The following SCFD2 variants were observed in gnomAD, a reference collection of about 807,000 sequenced individuals.
The protein encoded by SCFD2 is sec1 family domain containing 2.
Under a neutral mutation model 58.9 loss-of-function variants are expected in SCFD2, and 54 were observed. The ratio of observed to expected loss-of-function variants is 0.92; its 90% CI spans 0.74 to 1.15. The LOEUF is 1.15. SCFD2 is among the 50% of genes most tolerant of loss of function. The probability of loss-of-function intolerance (pLI) is 0.00; values close to 1 mark genes in which losing one functional copy is unlikely to be tolerated. For missense variants in SCFD2, 805 were observed against 836.6 expected, an observed-to-expected ratio of 0.96 and a Z score of 0.47; for synonymous variants, 321 against 335.9, an observed-to-expected ratio of 0.96 and a Z score of 0.49.
intron 7 of SCFD2, among the ~76,000 whole-genome samples, chr4:52,896,156 C>G (rs1278653817): frequency 6.6e-6 from 1 of 152,130 alleles, no homozygotes; most frequent in Admixed American, 6.5e-5. Flanking sequence ...TGCAGAAGCT[C>G]TTTAGTTTAA....
At chr4:53,229,140 A>T (rs1049026511) in intron 4 of SCFD2, among the ~76,000 whole-genome samples, 9 of 152,212 alleles carry the variant, frequency 5.9e-5, no homozygotes, top group South Asian at 2.1e-4. Context: ...CAAATGGAAG[A>T]ACATCCCATG....
intron 5 of SCFD2, among the ~76,000 whole-genome samples, chr4:52,990,756 T>C (rs1445724642): frequency 6.6e-6 from 1 of 150,752 alleles, no homozygotes; most frequent in South Asian, 2.1e-4. Flanking sequence ...AGTTTTAGAA[T>C]AAAGAAAAAA....
chr4:53,047,313 T>G lies in SCFD2; in HGVS notation c.1561+98020A>C, dbSNP rs150783310. 1.1e-4 allele frequency among the ~76,000 whole-genome samples: 16 copies of G among 152,190 alleles called. No homozygotes were observed. The East Asian group carries it at 3.1e-3, about 29-fold the overall frequency. Reference sequence around the variant, plus strand: ...AAATTAAAAAATTAGGCAGGCTTAGTGGCATGTGCCGTAGTCCCCAGCTAC... The same window carrying G: ...AAATTAAAAAATTAGGCAGGCTTAGGGGCATGTGCCGTAGTCCCCAGCTAC... On this transcript the variant is annotated intron_variant, in intron 5 of 8. Coordinates refer to ENST00000401642, the MANE Select transcript of SCFD2 (RefSeq NM_152540.4).
chr4:53,316,978 G>A (rs1420927719), intron 2 of SCFD2, among the ~76,000 whole-genome samples: 1 of 151,796 alleles, frequency 6.6e-6, no homozygotes, highest in Non-Finnish European at 1.5e-5. Context: ...GTGGTGGTGT[G>A]CGCCTATAAT....
chr4:53,331,582 G>A (rs1733471711), intron 2 of SCFD2, among the ~76,000 whole-genome samples: 1 of 152,130 alleles, frequency 6.6e-6, no homozygotes. Context: ...GAATCTCTGG[G>A]ACACATTCAA....
chr4:52,875,096 A>G (rs546256449), intron 8 of SCFD2, among the ~76,000 whole-genome samples: 32 of 152,340 alleles, frequency 2.1e-4, no homozygotes, highest in African/African-American at 7.7e-4. Flanking sequence ...GTACAAGGAC[A>G]CACATACAGT....
At chr4:53,159,016 A>G (rs1360427844) in intron 4 of SCFD2, among the ~76,000 whole-genome samples, 1 of 152,144 alleles carries the variant, frequency 6.6e-6, no homozygotes, top group Non-Finnish European at 1.5e-5. Context: ...ATCACCCTAA[A>G]TTTAATTATC....
intron 5 of SCFD2, among the ~76,000 whole-genome samples, chr4:52,947,710 A>G (rs1053793775): frequency 2.0e-5 from 3 of 151,936 alleles, no homozygotes; most frequent in Non-Finnish European, 4.4e-5. Context: ...TGGTGTTCGC[A>G]AAAAAACGAT....
At chr4:53,256,480 C>T (rs1056960377) in intron 4 of SCFD2, among the ~76,000 whole-genome samples, 6 of 152,056 alleles carry the variant, frequency 3.9e-5, no homozygotes, top group East Asian at 1.9e-4. Context: ...GACGGGGTGG[C>T]GGCCGGGCAG....
At chr4:52,980,299 T>C (rs1198177147) in intron 5 of SCFD2, among the ~76,000 whole-genome samples, 1 of 152,208 alleles carries the variant, frequency 6.6e-6, no homozygotes, top group African/African-American at 2.4e-5. Context: ...GCAGGCACTA[T>C]GATTATTCCT....
chr4:53,228,217 T>A (rs1329204182), intron 4 of SCFD2, among the ~76,000 whole-genome samples: 1 of 152,166 alleles, frequency 6.6e-6, no homozygotes, highest in African/African-American at 2.4e-5. Flanking sequence ...ATCAACTATC[T>A]CATAATTTCA....
intron 2 of SCFD2, among the ~76,000 whole-genome samples, chr4:53,344,796 C>T (rs1247233241): frequency 2.6e-5 from 4 of 152,124 alleles, no homozygotes; most frequent in African/African-American, 9.7e-5. Flanking sequence ...AGTAACACCA[C>T]ACATCTACAA....
chr4:53,140,392 A>AAAATATATATATAT (rs369140110), intron 5 of SCFD2, among the ~76,000 whole-genome samples: 10,383 of 97,318 alleles, frequency 0.11, 1,301 homozygotes, highest in South Asian at 0.18. Context: ...CAAAAATGCT[A>AAAATATATATATAT]ATATATATAT....
At chr4:52,900,417 G>C (rs1272734519) in intron 7 of SCFD2, among the ~76,000 whole-genome samples, 1 of 151,984 alleles carries the variant, frequency 6.6e-6, no homozygotes, top group Admixed American at 6.6e-5. Context: ...GAGGTCCACT[G>C]TTTGCCTGGG....
At chr4:53,306,676 C>G (rs944723776) in intron 3 of SCFD2, among the ~76,000 whole-genome samples, 2 of 152,092 alleles carry the variant, frequency 1.3e-5, no homozygotes, top group African/African-American at 4.8e-5. Flanking sequence ...CACTATCTAG[C>G]AAGGTTTTTG....
intron 5 of SCFD2, among the ~76,000 whole-genome samples, chr4:53,119,413 A>G (rs1275521805): frequency 2.6e-5 from 4 of 152,108 alleles, no homozygotes; most frequent in Non-Finnish European, 5.9e-5. Flanking sequence ...CCCAGGAGGC[A>G]GTGGCTGCAG....
At chr4:53,166,094 T>C (rs895161275) in intron 4 of SCFD2, among the ~76,000 whole-genome samples, 1 of 152,240 alleles carries the variant, frequency 6.6e-6, no homozygotes, top group African/African-American at 2.4e-5. Context: ...TTGTAGCATG[T>C]GTCAGAGTTT....
Position 53,357,839 on chromosome 4 carries a change from C to T in SCFD2, c.839-5073G>A, listed in dbSNP as rs531110221. Reference sequence around the variant, plus strand: ...ACACACCATATAATGATCATCTCTACTGTGCAGGACAACAGTTCTCAAACT... The same window carrying T: ...ACACACCATATAATGATCATCTCTATTGTGCAGGACAACAGTTCTCAAACT... On this transcript the variant is annotated intron_variant, in intron 1 of 8. Transcript: ENST00000401642. Among the ~76,000 whole-genome samples, 4 of 152,314 alleles carry T rather than the reference C, an allele frequency of 2.6e-5. No individual in the cohort carries two copies. In the East Asian group the frequency reaches 7.7e-4, roughly 29 times the overall value.
intron 4 of SCFD2, among the ~76,000 whole-genome samples, chr4:53,160,321 G>A (rs181699399): frequency 6.6e-6 from 1 of 152,182 alleles, no homozygotes; most frequent in African/African-American, 2.4e-5. Context: ...AGGGACAAGG[G>A]TATAGGCAGG....
Sources: gnomAD v4.1 joint callset for allele counts (sites outside exome capture counted in the v4.1 genomes callset) on GRCh38, gnomAD v4.1.1 for gene constraint, MANE v1.5 for transcripts, NCBI Gene and HGNC (gene_info 2026-07-23, HGNC 2026-07-21) for gene names.